RGS7: variants seen among roughly 807,000 people sequenced by gnomAD.
The protein encoded by RGS7 is regulator of G-protein signaling 7.
RGS7 carries 27 observed loss-of-function variants against 81.1 expected under a neutral mutation model. The ratio of observed to expected loss-of-function variants is 0.33; its 90% CI spans 0.25 to 0.46. RGS7 has a LOEUF of 0.46. Ranked by LOEUF, RGS7 falls within the 20% of genes least tolerant of loss-of-function variation. RGS7 has a pLI of 1.00. For missense variants in RGS7, 396 were observed against 607.4 expected, an observed-to-expected ratio of 0.65 and a Z score of 3.66; for synonymous variants, 208 against 207.7, an observed-to-expected ratio of 1.00 and a Z score of -0.01.
At chr1:241,220,983 A>AGAGAG (rs1182520768) in intron 2 of RGS7, among the ~76,000 whole-genome samples, 2 of 85,952 alleles carry the variant, frequency 2.3e-5, no homozygotes, top group South Asian at 4.9e-4. Context: ...GGAAGGAAGG[A>AGAGAG]AGGAAGGAAG....
At chr1:241,302,841 AG>A (rs2079854788) in intron 2 of RGS7, among the ~76,000 whole-genome samples, 1 of 151,666 alleles carries the variant, frequency 6.6e-6, no homozygotes, top group Non-Finnish European at 1.5e-5. Flanking sequence ...GTATTTCAGT[AG>A]GGATCTCTAA....
At chr1:241,225,591 T>C (rs886432658) in intron 2 of RGS7, among the ~76,000 whole-genome samples, 4 of 152,330 alleles carry the variant, frequency 2.6e-5, no homozygotes, top group Admixed American at 6.5e-5. Context: ...GGGGAGGCTA[T>C]GGATGTGAAA....
intron 5 of RGS7, among the ~76,000 whole-genome samples, chr1:240,931,830 A>G (rs1469952310): frequency 1.3e-5 from 2 of 152,148 alleles, no homozygotes; most frequent in Admixed American, 1.3e-4. Flanking sequence ...TATCATTAAC[A>G]TTTATATTTT....
At chr1:241,040,832 C>G (rs2060578698) in intron 3 of RGS7, among the ~76,000 whole-genome samples, 1 of 152,130 alleles carries the variant, frequency 6.6e-6, no homozygotes, top group South Asian at 2.1e-4. Flanking sequence ...GAAAAGCTTT[C>G]TATTCTCAGA....
intron 4 of RGS7, among the ~76,000 whole-genome samples, chr1:240,953,706 A>G (rs1385696929): frequency 6.6e-6 from 1 of 151,938 alleles, no homozygotes; most frequent in Non-Finnish European, 1.5e-5. Context: ...GAGAAAGAAG[A>G]GCAATTTAAA....
intron 6 of RGS7, among the ~76,000 whole-genome samples, chr1:240,914,462 T>C (rs1672268138): frequency 6.6e-6 from 1 of 152,068 alleles, no homozygotes; most frequent in Non-Finnish European, 1.5e-5. Flanking sequence ...TCCATGACAC[T>C]AATGGCTGGA....
In RGS7 at chr1:241,151,847, T is replaced by G. The variant is rs572510672; in HGVS notation, c.79-53085A>C. Among the ~76,000 whole-genome samples, 13 of 152,224 alleles carry G rather than the reference T, an allele frequency of 8.5e-5. 1 individual carries two copies. Among genetic ancestry groups the G allele is most frequent in the Non-Finnish European group, 1.8e-4 (12 of 68,010 alleles). On this transcript the variant is annotated intron_variant, in intron 2 of 18. Coordinates refer to ENST00000440928, the MANE Select transcript of RGS7 (RefSeq NM_001364886.1). Reference sequence around the variant, plus strand: ...TCCTCTTTAATTAATGTTAAAGAACTTAATCACAGAGGGAGAAATAAATGT... The same window carrying G: ...TCCTCTTTAATTAATGTTAAAGAACGTAATCACAGAGGGAGAAATAAATGT...
At chr1:240,839,108 A>T (rs1185452568) in intron 9 of RGS7, among the ~76,000 whole-genome samples, 1 of 152,128 alleles carries the variant, frequency 6.6e-6, no homozygotes, top group Non-Finnish European at 1.5e-5. Context: ...AGGCTAGATG[A>T]TCCCAACTCC....
chr1:241,286,046 A>G (rs1283893800), intron 2 of RGS7, among the ~76,000 whole-genome samples: 1 of 152,130 alleles, frequency 6.6e-6, no homozygotes, highest in Non-Finnish European at 1.5e-5. Context: ...TGAATTCAAC[A>G]CTTTTTATTT....
At position 241,269,925 on chromosome 1, in the gene RGS7, G is replaced by A. The variant is rs117272138; in HGVS notation, c.78+85774C>T. On this transcript the variant is annotated intron_variant, in intron 2 of 18. Transcript: ENST00000440928. The stretch of plus-strand genomic sequence containing the variant: ...GGTTGGCAAACATAGGGCATTATGA[G>A]GCTGAAATAACTGTAGCTCACTCTT... Among the ~76,000 whole-genome samples the A allele has an allele frequency of 1.7e-3, 254 of 152,284 alleles. 1 individual carries two copies. The East Asian group carries it at 0.019, about 12-fold the overall frequency.
At chr1:240,933,017 G>T (rs961752018) in intron 5 of RGS7, among the ~76,000 whole-genome samples, 7 of 148,700 alleles carry the variant, frequency 4.7e-5, no homozygotes, top group South Asian at 2.1e-4. Flanking sequence ...CCGAGTAGCT[G>T]GGACTACAGG....
intron 9 of RGS7, among the ~76,000 whole-genome samples, chr1:240,842,199 A>T (rs1396170270): frequency 6.4e-5 from 5 of 78,706 alleles, no homozygotes; most frequent in Admixed American, 1.6e-4. Context: ...TTTGTCAGGA[A>T]TTTTTTTTTT....
At chr1:240,853,900 CAAAAAAAAAAAAA>C (rs35471716) in intron 9 of RGS7, among the ~76,000 whole-genome samples, 8 of 22,242 alleles carry the variant, frequency 3.6e-4, no homozygotes, top group Non-Finnish European at 4.6e-4. Flanking sequence ...GACTCCGTCT[CAAAAAAAAAAAAA>C]AAAAAAAAAA....
chr1:240,811,435 T>C (rs1689831340), intron 14 of RGS7, among the ~76,000 whole-genome samples: 1 of 152,252 alleles, frequency 6.6e-6, no homozygotes, highest in Non-Finnish European at 1.5e-5. Context: ...GCCCTGTGGC[T>C]ATTATTTAAA....
chr1:240,806,132 A>C lies in RGS7; in HGVS notation c.1269+8T>G, dbSNP rs1688808159. The stretch of plus-strand genomic sequence containing the variant: ...ACGTTTGTGGTGTGAGGCTCACCGT[A>C]CACCCACCTGAGCATCTTCAAATGT... On this transcript the variant is annotated splice_region_variant and intron_variant, in intron 15 of 18. Coordinates refer to ENST00000440928, the MANE Select transcript of RGS7 (RefSeq NM_001364886.1). 6.2e-7 allele frequency: 1 copy of C among 1,612,400 alleles called. No homozygotes were observed. Among genetic ancestry groups the C allele is most frequent in the Non-Finnish European group, 8.5e-7 (1 of 1,178,950 alleles).
chr1:240,932,543 C>G (rs1675648444), intron 5 of RGS7, among the ~76,000 whole-genome samples: 1 of 104,164 alleles, frequency 9.6e-6, no homozygotes. Context: ...GGGTCTCACT[C>G]TGTTGCCCAG....
chr1:240,792,123 A>G (rs1195022076), intron 18 of RGS7, among the ~76,000 whole-genome samples: 2 of 152,242 alleles, frequency 1.3e-5, no homozygotes, highest in Non-Finnish European at 2.9e-5. Flanking sequence ...AAATAAAATA[A>G]AAGTGATAAT....
intron 4 of RGS7, among the ~76,000 whole-genome samples, chr1:240,945,064 GA>G (rs1451044810): frequency 6.6e-6 from 1 of 152,204 alleles, no homozygotes. Context: ...GATCACTAAA[GA>G]CTTTTTAGTT....
intron 2 of RGS7, among the ~76,000 whole-genome samples, chr1:241,334,767 A>T (rs2082154525): frequency 6.6e-6 from 1 of 152,208 alleles, no homozygotes; most frequent in Admixed American, 6.5e-5. Flanking sequence ...CAAGAAAAAA[A>T]ATAGAAAAAA....
Sources: allele counts gnomAD v4.1 joint callset (sites outside exome capture counted in the v4.1 genomes callset), GRCh38; gene constraint gnomAD v4.1.1; transcripts MANE v1.5; gene names NCBI Gene and HGNC (gene_info 2026-07-23, HGNC 2026-07-21).